CSMD1: variants seen among roughly 807,000 people sequenced by gnomAD.
CSMD1 encodes CUB and sushi domain-containing protein 1.
Under a neutral mutation model 417.5 loss-of-function variants are expected in CSMD1, and 213 were observed. The observed-to-expected ratio is 0.51, with a 90% confidence interval of 0.46 to 0.57. The LOEUF is 0.57. Ranked by LOEUF, CSMD1 falls within the 20% of genes least tolerant of loss-of-function variation. The pLI is 0.00. For synonymous variants in CSMD1, 2,862 were observed against 1,736.8 expected, an observed-to-expected ratio of 1.65 and a Z score of -16.11; for missense variants, 6,923 against 4,529.7, an observed-to-expected ratio of 1.53 and a Z score of -15.17.
intron 47 of CSMD1, among the ~76,000 whole-genome samples, chr8:3,095,075 G>C (rs1815203757): frequency 6.6e-6 from 1 of 152,120 alleles, no homozygotes; most frequent in Non-Finnish European, 1.5e-5. Flanking sequence ...CAAGCCATGA[G>C]TGCATAAATT....
chr8:4,730,533 G>A (rs921482374), intron 1 of CSMD1, among the ~76,000 whole-genome samples: 5 of 152,114 alleles, frequency 3.3e-5, no homozygotes, highest in African/African-American at 1.2e-4. Flanking sequence ...GAGGTCAGGA[G>A]ATGGAGACCA....
intron 3 of CSMD1, among the ~76,000 whole-genome samples, chr8:4,137,210 G>A (rs1025396906): frequency 1.3e-5 from 2 of 152,152 alleles, no homozygotes; most frequent in Admixed American, 1.3e-4. Context: ...CCTGGAAACA[G>A]TTGCCTTTAA....
At chr8:3,047,957 C>A (rs538833642) in intron 50 of CSMD1, among the ~76,000 whole-genome samples, 1 of 152,158 alleles carries the variant, frequency 6.6e-6, no homozygotes, top group East Asian at 1.9e-4. Flanking sequence ...CTCAACTTGA[C>A]GGTGATAGAC....
intron 3 of CSMD1, among the ~76,000 whole-genome samples, chr8:4,209,567 C>A (rs1421790303): frequency 6.6e-6 from 1 of 152,154 alleles, no homozygotes; most frequent in African/African-American, 2.4e-5. Flanking sequence ...CCTCTTCTGG[C>A]ATTTGTCCAC....
chr8:4,455,020 G>A (rs982398946), intron 2 of CSMD1, among the ~76,000 whole-genome samples: 2 of 151,958 alleles, frequency 1.3e-5, no homozygotes, highest in Admixed American at 6.5e-5. Context: ...ATCCCAGTGT[G>A]TCAGTCCGCT....
chr8:3,140,108 C>A (rs138023834), intron 41 of CSMD1, among the ~76,000 whole-genome samples: 1 of 151,956 alleles, frequency 6.6e-6, no homozygotes, highest in Admixed American at 6.6e-5. Context: ...TTCACCATAT[C>A]GGCCAGGTTG....
chr8:3,523,472 T>C (rs1359158112), intron 10 of CSMD1, among the ~76,000 whole-genome samples: 1 of 152,066 alleles, frequency 6.6e-6, no homozygotes, highest in African/African-American at 2.4e-5. Context: ...TAAAGTCCAA[T>C]TCGCCCACCT....
intron 10 of CSMD1, among the ~76,000 whole-genome samples, chr8:3,572,418 A>G (rs1799983855): frequency 6.6e-6 from 1 of 152,158 alleles, no homozygotes; most frequent in African/African-American, 2.4e-5. Context: ...CAGCAGACGC[A>G]GGGAGCTTCC....
At chr8:3,708,386 T>G in intron 7 of CSMD1, 28 bp downstream of exon 7, 1 of 1,599,170 alleles carries the variant, frequency 6.3e-7, no homozygotes, top group Non-Finnish European at 8.6e-7. Context: ...GGCGTATCAA[T>G]CCTCAGATAG....
At chr8:3,370,028 T>C (rs536009554) in intron 18 of CSMD1, among the ~76,000 whole-genome samples, 45 of 152,290 alleles carry the variant, frequency 3.0e-4, no homozygotes, top group East Asian at 2.7e-3. Flanking sequence ...TAGAACACAA[T>C]TTACAGTGTG....
chr8:4,648,959 C>A (rs1054388123), intron 1 of CSMD1, among the ~76,000 whole-genome samples: 15 of 152,220 alleles, frequency 9.9e-5, no homozygotes, highest in African/African-American at 3.6e-4. Flanking sequence ...AGTACTGACA[C>A]CTAGTATCCT....
chr8:4,350,830 T>G (rs185896235), intron 3 of CSMD1, among the ~76,000 whole-genome samples: 238 of 152,328 alleles, frequency 1.6e-3, no homozygotes, highest in Non-Finnish European at 2.7e-3. Flanking sequence ...TTTGCTTTCC[T>G]TAGCTGTGGA....
chr8:4,385,864 T>A (rs1803415228), intron 3 of CSMD1, among the ~76,000 whole-genome samples: 1 of 152,196 alleles, frequency 6.6e-6, no homozygotes, highest in African/African-American at 2.4e-5. Context: ...TATTTAAAAA[T>A]ATATGCTTAA....
chr8:4,591,492 G>A (rs1286854490), intron 2 of CSMD1, among the ~76,000 whole-genome samples: 1 of 152,162 alleles, frequency 6.6e-6, no homozygotes, highest in African/African-American at 2.4e-5. Flanking sequence ...AAACCTGCAT[G>A]GTAGGTCCAG....
chr8:3,954,753 G>T (rs547849817), intron 5 of CSMD1, among the ~76,000 whole-genome samples: 2 of 151,740 alleles, frequency 1.3e-5, no homozygotes, highest in Admixed American at 6.6e-5. Context: ...TTGCCCCTCA[G>T]AACTGAGCAT....
chr8:4,155,147 G>A (rs979466079), intron 3 of CSMD1, among the ~76,000 whole-genome samples: 1 of 152,186 alleles, frequency 6.6e-6, no homozygotes, highest in Non-Finnish European at 1.5e-5. Flanking sequence ...CTACAGATGA[G>A]ATAAAAGAGG....
At chr8:4,327,501 T>G (rs1226787075) in intron 3 of CSMD1, among the ~76,000 whole-genome samples, 1 of 152,116 alleles carries the variant, frequency 6.6e-6, no homozygotes, top group Non-Finnish European at 1.5e-5. Flanking sequence ...CTGTGCTGAG[T>G]GCCTTTCTTG....
chr8:4,731,996 G>A (rs150464591), intron 1 of CSMD1, among the ~76,000 whole-genome samples: 2 of 152,232 alleles, frequency 1.3e-5, no homozygotes, highest in African/African-American at 4.8e-5. Flanking sequence ...AAGGAGGAGA[G>A]AAAAAACGAG....
At chr8:4,299,214 T>C (rs940893308) in intron 3 of CSMD1, among the ~76,000 whole-genome samples, 3 of 152,210 alleles carry the variant, frequency 2.0e-5, no homozygotes, top group Admixed American at 6.5e-5. Context: ...TGCCAGGTAA[T>C]GTAAGTCATC....
Sources: gnomAD v4.1 joint callset for allele counts (sites outside exome capture counted in the v4.1 genomes callset) on GRCh38, gnomAD v4.1.1 for gene constraint, MANE v1.5 for transcripts, NCBI Gene and HGNC (gene_info 2026-07-23, HGNC 2026-07-21) for gene names.